The following SERAC1 variants were observed in gnomAD, a reference collection of about 807,000 sequenced individuals.
SERAC1 encodes the protein protein SERAC1.
A neutral mutation model predicts 85.7 loss-of-function variants in SERAC1; 36 were observed. The observed-to-expected ratio is 0.42, with a 90% CI of 0.32 to 0.55. The LOEUF (loss-of-function observed/expected upper bound fraction) is 0.55. Among genes scored for constraint, SERAC1 ranks in the 20% least tolerant of loss-of-function variants. SERAC1 has a pLI of 0.11. For synonymous variants in SERAC1, 242 were observed against 265.3 expected, an observed-to-expected ratio of 0.91 and a Z score of 0.85; for missense variants, 629 against 796.2, an observed-to-expected ratio of 0.79 and a Z score of 2.53.
Position 158,113,584 on chromosome 6 carries a change from C to T in SERAC1, c.1693G>A (p.Ala565Thr), listed in dbSNP as rs777881946. The change falls in exon 16 of 17, where the codon GCA becomes ACA. Residue 565 changes from alanine to threonine, a missense_variant. By Grantham distance (58) the Ala-to-Thr change is moderately conservative. Transcript: ENST00000647468. ...AAGTCATCTTGTAGTGTTTTAAGTG[C>T]AGGAGAATCTGTAAAATTATACAGA... is the stretch of plus-strand genomic sequence containing the variant. ...EVKELSKDSP[A>T]LKTLQDDFLE... 1 of 1,612,908 alleles carries T rather than the reference C, an allele frequency of 6.2e-7. No individual in the cohort carries two copies.
At chr6:158,114,665 G>T in intron 15 of SERAC1, 124 bp downstream of exon 15, 1 of 554,470 alleles carries the variant, frequency 1.8e-6, no homozygotes. Flanking sequence ...TCCATGAATA[G>T]TCTAAACACA....
chr6:158,110,904 C>A lies in SERAC1; in HGVS notation c.*462G>T, dbSNP rs190976232. ...AAACTCAAACTTTAAAAATGTACAG[C>A]AAATCAATACCCAGAAGTAAAAGAG... On this transcript the variant is annotated 3_prime_UTR_variant, in exon 17 of 17. Transcript: ENST00000647468. 6.6e-6 allele frequency: 1 copy of A among 152,498 alleles called. No homozygotes were observed. The highest frequency in any genetic ancestry group is 6.5e-5 in the Admixed American group (1 of 15,318). 9.4% of individuals were successfully genotyped at this position (152,498 alleles called of 1,614,324 possible).
chr6:158,118,242 T>C (rs559301370), intron 12 of SERAC1, among the ~76,000 whole-genome samples: 12 of 152,218 alleles, frequency 7.9e-5, no homozygotes, highest in Non-Finnish European at 1.2e-4. Context: ...ACCCTAGGTC[T>C]ATCATCATCT....
intron 8 of SERAC1, among the ~76,000 whole-genome samples, chr6:158,142,736 A>G (rs1476161883): frequency 6.6e-6 from 1 of 152,024 alleles, no homozygotes; most frequent in Non-Finnish European, 1.5e-5. Context: ...CGGCCTCCCA[A>G]CGTGCTGGGA....
At position 158,136,893 on chromosome 6, in the gene SERAC1, C is replaced by T. The variant is rs541178874; in HGVS notation, c.738+6163G>A. Among the ~76,000 whole-genome samples the T allele has an allele frequency of 2.0e-5, 3 of 152,336 alleles. No homozygotes were observed. In the East Asian group the frequency reaches 5.8e-4, roughly 29 times the overall value. Reference sequence around the variant, plus strand: ...ACTAAAAGGCAGCCAGGTGCAGTGGCTCATGCCTGTAATCCCAGCACTTTG... The same window carrying T: ...ACTAAAAGGCAGCCAGGTGCAGTGGTTCATGCCTGTAATCCCAGCACTTTG... On this transcript the variant is annotated intron_variant, in intron 8 of 16. Coordinates refer to ENST00000647468, the MANE Select transcript of SERAC1 (RefSeq NM_032861.4).
chr6:158,145,792 G>C (rs1482341525), intron 6 of SERAC1: 1 of 151,756 alleles, frequency 6.6e-6, no homozygotes, highest in East Asian at 1.9e-4. Context: ...CAAAGTGCTG[G>C]GATTACAGGT....
intron 2 of SERAC1, among the ~76,000 whole-genome samples, chr6:158,157,241 C>T (rs1259605913): frequency 2.6e-5 from 4 of 152,006 alleles, no homozygotes; most frequent in East Asian, 3.9e-4. Flanking sequence ...AAGTGATCCA[C>T]CCACCTCAGC....
At position 158,119,184 on chromosome 6, in the gene SERAC1, G is replaced by A; in HGVS notation, c.1167-14C>T. 3 of 1,600,032 alleles carry A rather than the reference G, an allele frequency of 1.9e-6. No homozygotes were observed. Among genetic ancestry groups the A allele is most frequent in the Non-Finnish European group, 2.6e-6 (3 of 1,172,080 alleles). On this transcript the variant is annotated splice_polypyrimidine_tract_variant and intron_variant, in intron 11 of 16. Coordinates refer to ENST00000647468, the MANE Select transcript of SERAC1 (RefSeq NM_032861.4). This position sits in a 1 kb window ranked among gnomAD's most constrained non-coding sequence, Gnocchi z 4.5. ...TTAATGGGCTGACTAATAGGGGAGAGAGTTTTAAAAAGAAGCAGAATAAAT... is the reference window on the plus strand; with the variant it reads ...TTAATGGGCTGACTAATAGGGGAGAAAGTTTTAAAAAGAAGCAGAATAAAT...
At chr6:158,150,668 GTCATAGTAAACT>G (rs1332592518) in intron 3 of SERAC1, 79 bp from the exon 4 acceptor site, 2 of 1,072,298 alleles carry the variant, frequency 1.9e-6, no homozygotes, top group African/African-American at 3.2e-5. Context: ...TATTAAGCTT[GTCATAGTAAACT>G]TCTTTTTTGT....
chr6:158,137,397 G>A (rs555959068), intron 8 of SERAC1, among the ~76,000 whole-genome samples: 77 of 151,894 alleles, frequency 5.1e-4, no homozygotes, highest in Non-Finnish European at 9.9e-4. Flanking sequence ...TTTTGAGACG[G>A]AGTCTTGCTC....
At chr6:158,152,770 T>C (rs1415231113) in intron 3 of SERAC1, 4 of 152,184 alleles carry the variant, frequency 2.6e-5, no homozygotes, top group African/African-American at 9.7e-5. Flanking sequence ...TTCAGCACAG[T>C]CACATGGCTG....
At chr6:158,121,831 C>T (rs1466555317) in intron 10 of SERAC1, among the ~76,000 whole-genome samples, 1 of 152,086 alleles carries the variant, frequency 6.6e-6, no homozygotes, top group Non-Finnish European at 1.5e-5. Flanking sequence ...ATGGTACAAG[C>T]CATCTCTGGC....
intron 8 of SERAC1, among the ~76,000 whole-genome samples, chr6:158,142,382 C>T (rs1583588640): frequency 1.3e-5 from 2 of 152,114 alleles, no homozygotes; most frequent in African/African-American, 4.8e-5. Context: ...CCAAGCTGGT[C>T]TCAAACTCCT....
chr6:158,151,388 C>T (rs1313501049), intron 3 of SERAC1, among the ~76,000 whole-genome samples: 1 of 152,114 alleles, frequency 6.6e-6, no homozygotes, highest in Non-Finnish European at 1.5e-5. Flanking sequence ...AGCCGCTGCT[C>T]TCCAGCCTGG....
chr6:158,155,151 C>A (rs532618629), intron 3 of SERAC1, among the ~76,000 whole-genome samples, 164 bp downstream of exon 3: 1 of 152,290 alleles, frequency 6.6e-6, no homozygotes, highest in East Asian at 1.9e-4. Flanking sequence ...GTAAGGAAAC[C>A]ACATCATGAC....
intron 7 of SERAC1, among the ~76,000 whole-genome samples, chr6:158,143,539 G>A (rs574786923): frequency 2.9e-4 from 44 of 152,020 alleles, no homozygotes; most frequent in African/African-American, 1.0e-3. Context: ...CAGACCTATT[G>A]TAAACTTTAA....
chr6:158,135,338 C>T (rs934208709), intron 8 of SERAC1, among the ~76,000 whole-genome samples: 1 of 152,092 alleles, frequency 6.6e-6, no homozygotes, highest in Admixed American at 6.5e-5. Context: ...TCGAGACCAG[C>T]CTGATCAACA....
chr6:158,127,225 C>G (rs1436796888), intron 10 of SERAC1, among the ~76,000 whole-genome samples: 1 of 151,982 alleles, frequency 6.6e-6, no homozygotes, highest in Non-Finnish European at 1.5e-5. Flanking sequence ...TAAGTAGAGC[C>G]TTGTCTATTG....
chr6:158,164,983 T>C (rs1419210603), intron 1 of SERAC1, among the ~76,000 whole-genome samples: 1 of 152,104 alleles, frequency 6.6e-6, no homozygotes, highest in Non-Finnish European at 1.5e-5. Flanking sequence ...ACACCAAGCA[T>C]CTTATTAAGG....
Sources: allele counts gnomAD v4.1 joint callset (sites outside exome capture counted in the v4.1 genomes callset), GRCh38; gene constraint gnomAD v4.1.1; non-coding constraint Gnocchi (gnomAD v3.1); transcripts MANE v1.5; gene names NCBI Gene and HGNC (gene_info 2026-07-23, HGNC 2026-07-21).